KHDRBS3: variants seen among roughly 807,000 people sequenced by gnomAD.
KHDRBS3 encodes KH domain-containing, RNA-binding, signal transduction-associated protein 3.
Under a neutral mutation model 45.6 loss-of-function variants are expected in KHDRBS3, and 23 were observed. That is an observed-to-expected ratio of 0.50 (90% CI 0.36 to 0.72). The LOEUF is 0.72. KHDRBS3 is among the 30% of genes least tolerant of loss of function. The probability of loss-of-function intolerance (pLI) is 0.00; values close to 1 mark genes in which losing one functional copy is unlikely to be tolerated. For missense variants in KHDRBS3, 352 were observed against 424.8 expected (o/e 0.83, Z 1.51); for synonymous variants, 162 against 156.5 (o/e 1.04, Z -0.26).
At chr8:135,506,390 TC>T (rs1287512531) in intron 1 of KHDRBS3, among the ~76,000 whole-genome samples, 1 of 151,768 alleles carries the variant, frequency 6.6e-6, no homozygotes, top group Non-Finnish European at 1.5e-5. Context: ...GATCCTTCCT[TC>T]TGTAACATTC....
In KHDRBS3 at chr8:135,545,805, G is replaced by A. The variant is rs547814144; in HGVS notation, c.325-2949G>A. On this transcript the variant is annotated intron_variant, in intron 3 of 8. Coordinates refer to ENST00000355849, the MANE Select transcript of KHDRBS3 (RefSeq NM_006558.3). ...TTCTTTCAAAAGCATTTTACTGAGG[G>A]TGACCACAGATGATCATTTAAGTAA... Among the ~76,000 whole-genome samples, 3 of 152,212 alleles carry A rather than the reference G, an allele frequency of 2.0e-5. No homozygotes were observed. The South Asian group carries it at 6.2e-4, about 32-fold the overall frequency.
intron 7 of KHDRBS3, among the ~76,000 whole-genome samples, chr8:135,610,326 C>T (rs1157806899): frequency 1.3e-5 from 2 of 151,868 alleles, no homozygotes; most frequent in Non-Finnish European, 2.9e-5. Context: ...GAAACTGAGG[C>T]TCAGAGAAGT....
intron 1 of KHDRBS3, chr8:135,458,798 A>G (rs895550881): frequency 2.2e-5 from 10 of 452,566 alleles, no homozygotes; most frequent in African/African-American, 8.0e-5. Flanking sequence ...GAAAGATCCT[A>G]GGAAGTACTG....
intron 6 of KHDRBS3, among the ~76,000 whole-genome samples, chr8:135,597,351 A>C (rs1308244063): frequency 1.3e-5 from 2 of 152,178 alleles, no homozygotes; most frequent in African/African-American, 4.8e-5. Flanking sequence ...ATTAAGTTTC[A>C]ACATAAATGT....
intron 5 of KHDRBS3, among the ~76,000 whole-genome samples, chr8:135,571,160 A>G (rs1208733968): frequency 6.6e-6 from 1 of 152,200 alleles, no homozygotes; most frequent in Non-Finnish European, 1.5e-5. Flanking sequence ...AGCTGGAGAA[A>G]TGTTCTGCGC....
chr8:135,545,560 C>T (rs1350310298), intron 3 of KHDRBS3, among the ~76,000 whole-genome samples: 1 of 152,204 alleles, frequency 6.6e-6, no homozygotes, highest in Non-Finnish European at 1.5e-5. Flanking sequence ...GACTTGAACT[C>T]TGCACCTGTT....
At chr8:135,643,513 G>C (rs1831152968) in intron 7 of KHDRBS3, among the ~76,000 whole-genome samples, 1 of 152,222 alleles carries the variant, frequency 6.6e-6, no homozygotes, top group African/African-American at 2.4e-5. Flanking sequence ...TGGAGGACAG[G>C]AGAGAAGGGC....
At chr8:135,544,414 T>C (rs1285515723) in intron 3 of KHDRBS3, among the ~76,000 whole-genome samples, 5 of 152,216 alleles carry the variant, frequency 3.3e-5, no homozygotes, top group African/African-American at 1.2e-4. Flanking sequence ...GGATCCTAAA[T>C]ATTATCAGCT....
At chr8:135,538,275 A>G (rs1026592606) in intron 2 of KHDRBS3, among the ~76,000 whole-genome samples, 3 of 152,166 alleles carry the variant, frequency 2.0e-5, no homozygotes, top group Non-Finnish European at 4.4e-5. Flanking sequence ...CAAAGGAGAG[A>G]AGTGGAACCA....
chr8:135,485,819 C>T (rs553284989), intron 1 of KHDRBS3, among the ~76,000 whole-genome samples: 1 of 128,948 alleles, frequency 7.8e-6, no homozygotes, highest in East Asian at 2.1e-4. Context: ...ATGAGGTATG[C>T]AGGATTGATT....
chr8:135,566,311 T>C (rs1827409878), intron 5 of KHDRBS3, among the ~76,000 whole-genome samples: 1 of 152,198 alleles, frequency 6.6e-6, no homozygotes, highest in Non-Finnish European at 1.5e-5. Flanking sequence ...GCAGGCATTC[T>C]CTCTGAATAT....
rs752478803 is a variant in KHDRBS3, at chr8:135,557,471, A to G, written c.495A>G (p.Gln165=). 6.2e-7 allele frequency: 1 copy of G among 1,611,894 alleles called. No homozygotes were observed. Among genetic ancestry groups the G allele is most frequent in the Non-Finnish European group, 8.5e-7 (1 of 1,177,956 alleles). ...LIPDYNDEIR[Q]AQLQELTYLN... is the part of the protein sequence containing the mutation. ...AGGATTATAATGATGAGATCAGGCA[A>G]GCACAGCTCCAGGAGTTAACATATT... is the stretch of plus-strand genomic sequence containing the variant. The change falls in exon 5 of 9, where the codon CAA becomes CAG. Residue 165 remains glutamine, a synonymous_variant. Transcript: ENST00000355849.
intron 7 of KHDRBS3, chr8:135,625,520 G>C: frequency 1.2e-6 from 1 of 830,490 alleles, no homozygotes; most frequent in Non-Finnish European, 2.1e-6. Flanking sequence ...TGCACTGCTA[G>C]AACTGAGAGG....
At chr8:135,569,300 T>C (rs1312519411) in intron 5 of KHDRBS3, among the ~76,000 whole-genome samples, 1 of 152,184 alleles carries the variant, frequency 6.6e-6, no homozygotes, top group East Asian at 1.9e-4. Context: ...AATCATTAAC[T>C]CTAGGCCTTG....
chr8:135,618,272 C>A (rs890348673), intron 7 of KHDRBS3, among the ~76,000 whole-genome samples: 1 of 152,026 alleles, frequency 6.6e-6, no homozygotes, highest in Non-Finnish European at 1.5e-5. Flanking sequence ...AAAGAGTAAG[C>A]AATTTCTGGA....
intron 7 of KHDRBS3, among the ~76,000 whole-genome samples, chr8:135,642,612 G>A (rs954457191): frequency 1.3e-5 from 2 of 152,108 alleles, no homozygotes; most frequent in African/African-American, 4.8e-5. Context: ...TGTTAAGCCA[G>A]CGGAGCTTAA....
At chr8:135,624,664 AG>A in intron 7 of KHDRBS3, among the ~76,000 whole-genome samples, 1 of 152,228 alleles carries the variant, frequency 6.6e-6, no homozygotes. Flanking sequence ...CCTGTAAGAC[AG>A]AAGTTTCCAA....
intron 5 of KHDRBS3, among the ~76,000 whole-genome samples, chr8:135,563,532 C>T (rs143454142): frequency 9.2e-5 from 14 of 152,306 alleles, no homozygotes; most frequent in African/African-American, 3.4e-4. Context: ...TATTTATTCA[C>T]GTTGTCATTG....
At chr8:135,503,594 C>T (rs1307487019) in intron 1 of KHDRBS3, among the ~76,000 whole-genome samples, 1 of 150,922 alleles carries the variant, frequency 6.6e-6, no homozygotes, top group Non-Finnish European at 1.5e-5. Context: ...CCCCCATGAA[C>T]TCATTTAGTT....
Sources: gnomAD v4.1 joint callset for allele counts (sites outside exome capture counted in the v4.1 genomes callset) on GRCh38, gnomAD v4.1.1 for gene constraint, MANE v1.5 for transcripts, NCBI Gene and HGNC (gene_info 2026-07-23, HGNC 2026-07-21) for gene names.